The following ABAT variants were observed in gnomAD, a reference collection of about 807,000 sequenced individuals.
ABAT encodes the protein 4-aminobutyrate aminotransferase.
A neutral mutation model predicts 64.6 loss-of-function variants in ABAT; 45 were observed. That is an observed-to-expected ratio of 0.70 (90% CI 0.55 to 0.89). ABAT has a LOEUF of 0.89. Among genes scored for constraint, ABAT ranks in the 40% least tolerant of loss-of-function variants. The pLI, the probability that ABAT is intolerant of heterozygous loss-of-function variation, is 0.00. For synonymous variants in ABAT, 297 were observed against 250.5 expected (o/e 1.19, Z -1.75); for missense variants, 633 against 658.4 (o/e 0.96, Z 0.42).
chr16:8,730,840 G>T (rs534437309), intron 1 of ABAT, among the ~76,000 whole-genome samples: 4 of 152,168 alleles, frequency 2.6e-5, no homozygotes, highest in African/African-American at 7.2e-5. Context: ...CAACCCCAAC[G>T]CTGGCTCCAC....
intron 5 of ABAT, among the ~76,000 whole-genome samples, chr16:8,751,366 G>A (rs1288956612): frequency 1.3e-5 from 2 of 152,154 alleles, no homozygotes; most frequent in East Asian, 1.9e-4. Context: ...AGGATTTCAG[G>A]TGTGAGCCAC....
intron 1 of ABAT, among the ~76,000 whole-genome samples, chr16:8,724,308 A>G (rs1763711415): frequency 6.6e-6 from 1 of 152,254 alleles, no homozygotes; most frequent in South Asian, 2.1e-4. Context: ...AATAATGAAA[A>G]ATAAAAAATA....
intron 1 of ABAT, among the ~76,000 whole-genome samples, chr16:8,688,738 C>T (rs1179813142): frequency 6.6e-6 from 1 of 152,158 alleles, no homozygotes; most frequent in African/African-American, 2.4e-5. Flanking sequence ...CAGGCATGAG[C>T]CACCAAGCCT....
At chr16:8,765,148 A>T (rs2142934034) in intron 8 of ABAT, among the ~76,000 whole-genome samples, 1 of 152,088 alleles carries the variant, frequency 6.6e-6, no homozygotes, top group Non-Finnish European at 1.5e-5. Context: ...CCTGGGCAAC[A>T]TGACGAAACC....
chr16:8,724,836 G>C (rs963700184), intron 1 of ABAT, among the ~76,000 whole-genome samples: 40 of 149,298 alleles, frequency 2.7e-4, no homozygotes, highest in African/African-American at 9.6e-4. Flanking sequence ...TGTGTGATCA[G>C]AGTGTGTCAT....
At chr16:8,758,778 G>C (rs1156482781) in intron 6 of ABAT, among the ~76,000 whole-genome samples, 2 of 152,182 alleles carry the variant, frequency 1.3e-5, no homozygotes, top group African/African-American at 4.8e-5. Flanking sequence ...TATCCGAAGA[G>C]AGATAGAGAG....
chr16:8,718,578 C>G (rs148935458), intron 1 of ABAT, among the ~76,000 whole-genome samples: 1 of 152,278 alleles, frequency 6.6e-6, no homozygotes, highest in East Asian at 1.9e-4. Flanking sequence ...GTTCTGGACC[C>G]TGGAAATGGA....
At chr16:8,748,816 A>G (rs976645979) in intron 4 of ABAT, among the ~76,000 whole-genome samples, 4 of 152,194 alleles carry the variant, frequency 2.6e-5, no homozygotes, top group African/African-American at 9.6e-5. Context: ...TTTTTCTGAT[A>G]TGAGTACAAC....
intron 6 of ABAT, among the ~76,000 whole-genome samples, chr16:8,761,700 C>G (rs142461175): frequency 2.0e-5 from 3 of 152,128 alleles, no homozygotes; most frequent in African/African-American, 7.2e-5. Flanking sequence ...GGCAGTAGGC[C>G]GGGGCACCAC....
intron 1 of ABAT, among the ~76,000 whole-genome samples, chr16:8,679,526 C>CAA (rs35069718): frequency 0.032 from 4,310 of 133,608 alleles, 99 homozygotes; most frequent in African/African-American, 0.071. Context: ...ACATGAAAGC[C>CAA]AAAAAAAAAA....
chr16:8,748,399 T>C (rs1009673096), intron 4 of ABAT, among the ~76,000 whole-genome samples: 1 of 152,228 alleles, frequency 6.6e-6, no homozygotes, highest in African/African-American at 2.4e-5. Context: ...TGGAAACATA[T>C]TTTTGTGATT....
chr16:8,768,281 A>C, intron 10 of ABAT, 25 bp downstream of exon 10: 1 of 1,612,052 alleles, frequency 6.2e-7, no homozygotes, highest in Non-Finnish European at 8.5e-7. Context: ...TTGCGCTCCC[A>C]AGGTGGCGTT....
intron 3 of ABAT, among the ~76,000 whole-genome samples, chr16:8,746,939 T>G (rs1366003352): frequency 6.6e-6 from 1 of 152,166 alleles, no homozygotes; most frequent in Non-Finnish European, 1.5e-5. Flanking sequence ...GGCTGTTGGT[T>G]GATCTAGGTT....
intron 2 of ABAT, among the ~76,000 whole-genome samples, chr16:8,744,905 C>T (rs556591388): frequency 6.6e-6 from 1 of 152,082 alleles, no homozygotes; most frequent in Non-Finnish European, 1.5e-5. Flanking sequence ...TTAATGGGTG[C>T]ATAATATTCC....
intron 2 of ABAT, among the ~76,000 whole-genome samples, chr16:8,739,997 A>G (rs1018449781): frequency 3.3e-5 from 5 of 151,506 alleles, no homozygotes; most frequent in Admixed American, 6.6e-5. Context: ...GTACTCTCGT[A>G]CACTGCTATT....
At chr16:8,741,159 G>T (rs1184501010) in intron 2 of ABAT, among the ~76,000 whole-genome samples, 1 of 152,256 alleles carries the variant, frequency 6.6e-6, no homozygotes, top group African/African-American at 2.4e-5. Context: ...CTGGTCTTGT[G>T]TGTCAATAAC....
intron 2 of ABAT, among the ~76,000 whole-genome samples, chr16:8,739,743 C>T (rs1217422570): frequency 8.0e-6 from 1 of 125,526 alleles, no homozygotes; most frequent in Non-Finnish European, 1.8e-5. Context: ...GAAATACAGG[C>T]ACAATGCAAA....
rs146803983 is a variant in ABAT, at chr16:8,729,535, A to G, written c.-41-6164A>G. Among the ~76,000 whole-genome samples the G allele has an allele frequency of 3.9e-5, 6 of 152,208 alleles. No homozygotes were observed. In the East Asian group the frequency reaches 1.2e-3, roughly 29 times the overall value. The stretch of plus-strand genomic sequence containing the variant: ...TAATGTACCCTTCAGAATGTCTCAC[A>G]AAGACCAGGCACCATGCCTCATGCC... On this transcript the variant is annotated intron_variant, in intron 1 of 15. Transcript: ENST00000268251.
chr16:8,679,391 A>T, intron 1 of ABAT, among the ~76,000 whole-genome samples: 1 of 152,014 alleles, frequency 6.6e-6, no homozygotes, highest in African/African-American at 2.4e-5. Context: ...ACCTAGAGGG[A>T]TCCTGGTGTC....
Sources: gnomAD v4.1 joint callset for allele counts (sites outside exome capture counted in the v4.1 genomes callset) on GRCh38, gnomAD v4.1.1 for gene constraint, MANE v1.5 for transcripts, NCBI Gene and HGNC (gene_info 2026-07-23, HGNC 2026-07-21) for gene names.